PHLDB1: variants seen among roughly 807,000 people sequenced by gnomAD.
PHLDB1 encodes the protein pleckstrin homology-like domain family B member 1.
Under a neutral mutation model 139.3 loss-of-function variants are expected in PHLDB1, and 65 were observed. The ratio of observed to expected loss-of-function variants is 0.47; its 90% CI spans 0.38 to 0.57. The LOEUF (loss-of-function observed/expected upper bound fraction) is 0.57. Ranked by LOEUF, PHLDB1 falls within the 20% of genes least tolerant of loss-of-function variation. The pLI, the probability that PHLDB1 is intolerant of heterozygous loss-of-function variation, is 0.00. For missense variants in PHLDB1, 1,624 were observed against 1,839.7 expected, an observed-to-expected ratio of 0.88 and a Z score of 2.14; for synonymous variants, 679 against 734.5, an observed-to-expected ratio of 0.92 and a Z score of 1.22.
rs1181291972 is a variant in PHLDB1 at position 118,608,965 on chromosome 11, A to G, written c.-22+1266A>G. Among the ~76,000 whole-genome samples the G allele has an allele frequency of 6.8e-6, 1 of 146,602 alleles. No homozygotes were observed. The highest frequency in any genetic ancestry group is 1.5e-5 in the Non-Finnish European group (1 of 66,556). On this transcript the variant is annotated intron_variant, in intron 1 of 22. Transcript: ENST00000600882. This position sits in a 1 kb window ranked among gnomAD's most constrained non-coding sequence, Gnocchi z 6.7. ...CAGCTCACACACGTACCCGTCACAC[A>G]TGAGGCCCCAGCTCACACACGAAGC...
chr11:118,648,038 GAGA>G lies in PHLDB1; in HGVS notation c.3619_3621del (p.Lys1207del), dbSNP rs1453668727. ...GAGTGCCCGGAGGCAGCAGCTGGTC[GAGA>G]AGGAGGTCAAGATGCGGGAGAAACA... On this transcript the variant is annotated inframe_deletion, in exon 18 of 23. Transcript: ENST00000600882. The G allele has an allele frequency of 7.4e-6, 12 of 1,613,364 alleles. No individual in the cohort carries two copies. The highest frequency in any genetic ancestry group is 1.1e-5 in the South Asian group (1 of 90,940).
chr11:118,642,073 T>G, intron 12 of PHLDB1, 181 bp from the exon 13 acceptor site: 1 of 689,730 alleles, frequency 1.4e-6, no homozygotes, highest in East Asian at 2.7e-5. Flanking sequence ...CTTCCTCCCC[T>G]TCTTCCTTCA....
intron 9 of PHLDB1, chr11:118,633,027 CA>C (rs1210196524): frequency 6.0e-6 from 1 of 165,968 alleles, no homozygotes; most frequent in African/African-American, 2.4e-5. Context: ...CTCTGGCCCC[CA>C]AAACCACACT....
At chr11:118,637,910 T>C (rs1303545119) in intron 10 of PHLDB1, 8 of 152,222 alleles carry the variant, frequency 5.3e-5, no homozygotes, top group African/African-American at 1.9e-4. Context: ...GAAAAGACAA[T>C]GTGGATCTTA....
In PHLDB1 at chr11:118,636,974, A is replaced by T. The variant is rs1276774922; in HGVS notation, c.2535+1426A>T. The T allele has an allele frequency of 3.3e-5, 5 of 152,190 alleles. No homozygotes were observed. In the East Asian group the frequency reaches 9.7e-4, roughly 29 times the overall value. The allele number at this position is 152,190 out of a possible 1,614,324, so 9.4% of individuals were successfully genotyped here. On this transcript the variant is annotated intron_variant, in intron 10 of 22. Coordinates refer to ENST00000600882, the MANE Select transcript of PHLDB1 (RefSeq NM_001144758.3). ...GACCTGGGGTGTCACATTCTTCCCC[A>T]TGCTCCTCCTTAGGAACCTTATCCA...
chr11:118,632,796 G>C lies in PHLDB1; in HGVS notation c.2379+500G>C. ...CCAGGTGATCCTAGCTCCTGCCCCT[G>C]CCCCTTTCAGATTTCGTGCCAGCCT... On this transcript the variant is annotated intron_variant, in intron 9 of 22. Coordinates refer to ENST00000600882, the MANE Select transcript of PHLDB1 (RefSeq NM_001144758.3). This position sits in a 1 kb window ranked among gnomAD's most constrained non-coding sequence, Gnocchi z 5.9. The C allele has an allele frequency of 1.1e-6, 1 of 947,064 alleles. No individual in the cohort carries two copies. The highest frequency in any genetic ancestry group is 4.8e-5 in the South Asian group (1 of 20,788). 58.7% of individuals were successfully genotyped at this position (947,064 alleles called of 1,614,324 possible).
chr11:118,632,869 T>G lies in PHLDB1; in HGVS notation c.2379+573T>G. 3.1e-6 allele frequency: 3 copies of G among 982,022 alleles called. No individual in the cohort carries two copies. The highest frequency in any genetic ancestry group is 3.6e-6 in the Non-Finnish European group (3 of 826,822). 60.8% of individuals were successfully genotyped at this position (982,022 alleles called of 1,614,324 possible). A position where few individuals can be genotyped will look rare whatever the true frequency, so the allele number is the denominator to read the frequency against. ...CAACACCGTGCCAAAAGCTCTGAAG[T>G]GGAGAGGGGTCATCTATTTCTGGAT... is the stretch of plus-strand genomic sequence containing the variant. On this transcript the variant is annotated intron_variant, in intron 9 of 22. Transcript: ENST00000600882. This position sits in a 1 kb window ranked among gnomAD's most constrained non-coding sequence, Gnocchi z 5.9.
rs1234756432 is a variant in PHLDB1 at position 118,656,755 on chromosome 11, G to C, written c.4066G>C (p.Glu1356Gln). ...GTACTACATGGTGGCCCCATCTGCA[G>C]AGGCCATGCGTATCTGGATGGATGT... Reference protein sequence around the residue: ...RLYYMVAPSAEAMRIWMDVIV... With the variant: ...RLYYMVAPSAQAMRIWMDVIV... The change falls in exon 23 of 23, where the codon GAG becomes CAG. Residue 1356 changes from glutamate to glutamine, a missense_variant. Physicochemically the swap from Glu to Gln is conservative, Grantham distance 29. Transcript: ENST00000600882. 1.9e-6 allele frequency: 3 copies of C among 1,613,884 alleles called. No homozygotes were observed. Among genetic ancestry groups the C allele is most frequent in the Non-Finnish European group, 2.5e-6 (3 of 1,179,866 alleles).
At chr11:118,641,420 C>T (rs964755047) in intron 12 of PHLDB1, 17 of 202,256 alleles carry the variant, frequency 8.4e-5, no homozygotes, top group African/African-American at 4.8e-5. Flanking sequence ...CTTTCTTTAG[C>T]TCCTATGGCC....
chr11:118,650,254 C>T lies in PHLDB1; in HGVS notation c.3771+61C>T. On this transcript the variant is annotated intron_variant, in intron 19 of 22. Transcript: ENST00000600882. This position sits in a 1 kb window ranked among gnomAD's most constrained non-coding sequence, Gnocchi z 4.7. ...AGGGAGAATCCCGTGGTGAGAGGCA[C>T]CTCCTGGGTCGTTGGAATAGTGGCG... is the stretch of plus-strand genomic sequence containing the variant. 1.5e-6 allele frequency: 2 copies of T among 1,291,938 alleles called. No homozygotes were observed. The highest frequency in any genetic ancestry group is 2.3e-5 in the East Asian group (1 of 43,384). 80.0% of individuals were successfully genotyped at this position (1,291,938 alleles called of 1,614,324 possible). A position where few individuals can be genotyped will look rare whatever the true frequency, so the allele number is the denominator to read the frequency against.
Position 118,628,130 on chromosome 11 carries a change from G to A in PHLDB1, c.1307G>A (p.Arg436His), listed in dbSNP as rs781998077. 9.9e-6 allele frequency: 16 copies of A among 1,613,884 alleles called. No homozygotes were observed. The highest frequency in any genetic ancestry group is 4.5e-5 in the East Asian group (2 of 44,878). Residue 436 changes from arginine (R) to histidine (H), a missense_variant, in exon 6 of 23, where the codon CGT (arginine) becomes CAT (histidine). Physicochemically the swap from Arg to His is conservative, Grantham distance 29. Coordinates refer to ENST00000600882, the MANE Select transcript of PHLDB1 (RefSeq NM_001144758.3). ...ACATTTTCAGATGGGTTAGCCACCC[G>A]TACCCTGCAGCCTCCTGAGAGTCCC... is the stretch of plus-strand genomic sequence containing the variant. ...GRTFSDGLAT[R>H]TLQPPESPRL...
At position 118,614,656 on chromosome 11, in the gene PHLDB1, C is replaced by T; in HGVS notation, c.158C>T (p.Ala53Val). Residue 53 changes from alanine to valine, a missense_variant, in exon 3 of 23, where the codon GCC becomes GTC. By Grantham distance (64) the Ala-to-Val change is moderately conservative. Transcript: ENST00000600882. ...CTGGGCAGTGGGCGACTCAGCACAG[C>T]CATCACCCTCCTGCCGCTGGAGGAA... ...VSLGSGRLST[A>V]ITLLPLEEGR... The T allele has an allele frequency of 6.2e-7, 1 of 1,613,862 alleles. No individual in the cohort carries two copies. The highest frequency in any genetic ancestry group is 1.1e-5 in the South Asian group (1 of 91,064).
In PHLDB1 at chr11:118,650,839, T is replaced by C. The variant is rs543571611; in HGVS notation, c.3874+292T>C. ...GGCCACAGCGCTCTCATGGAGCTTATAATCAGGGAAGCAGACAAGAGTGAT... is the reference window on the plus strand; with the variant it reads ...GGCCACAGCGCTCTCATGGAGCTTACAATCAGGGAAGCAGACAAGAGTGAT... On this transcript the variant is annotated intron_variant, in intron 20 of 22. Transcript: ENST00000600882. This position sits in a 1 kb window ranked among gnomAD's most constrained non-coding sequence, Gnocchi z 4.7. 22 of 447,848 alleles carry C rather than the reference T, an allele frequency of 4.9e-5. No homozygotes were observed. In the East Asian group the frequency reaches 8.9e-4, roughly 18 times the overall value. The allele number at this position is 447,848 out of a possible 1,614,324, so 27.7% of individuals were successfully genotyped here.
intron 10 of PHLDB1, chr11:118,637,203 G>A (rs1324839547): frequency 6.6e-6 from 1 of 152,094 alleles, no homozygotes; most frequent in Non-Finnish European, 1.5e-5. Flanking sequence ...CTATAAAATG[G>A]GTATAAATGC....
intron 17 of PHLDB1, chr11:118,647,318 T>C (rs1274388679): frequency 6.6e-6 from 1 of 152,320 alleles, no homozygotes; most frequent in Non-Finnish European, 1.5e-5. Context: ...CCAACTGGAA[T>C]CAGTGATGGG....
chr11:118,644,231 C>A, intron 15 of PHLDB1, 57 bp downstream of exon 15: 1 of 1,176,980 alleles, frequency 8.5e-7, no homozygotes, highest in South Asian at 1.3e-5. Flanking sequence ...GGGTAGTTGC[C>A]ATGCCTCCTC....
chr11:118,642,921 G>A (rs1490346432), intron 13 of PHLDB1, among the ~76,000 whole-genome samples: 1 of 152,236 alleles, frequency 6.6e-6, no homozygotes, highest in African/African-American at 2.4e-5. Context: ...GAGGGCGTGG[G>A]CCTACCTGAA....
chr11:118,650,408 C>T lies in PHLDB1; in HGVS notation c.3772-37C>T. The T allele has an allele frequency of 7.2e-7, 1 of 1,382,744 alleles. No individual in the cohort carries two copies. Among genetic ancestry groups the T allele is most frequent in the Non-Finnish European group, 1.0e-6 (1 of 968,754 alleles). 85.7% of individuals were successfully genotyped at this position (1,382,744 alleles called of 1,614,324 possible). A position where few individuals can be genotyped will look rare whatever the true frequency, so the allele number is the denominator to read the frequency against. On this transcript the variant is annotated intron_variant, in intron 19 of 22. Coordinates refer to ENST00000600882, the MANE Select transcript of PHLDB1 (RefSeq NM_001144758.3). The surrounding 1 kb of genome is among the most constrained non-coding windows in gnomAD (Gnocchi z 4.7). ...GCACACACTTAAGGCTTAAGGGCTGCATATTTGGGTCCTTCCTTACTCCTG... is the reference window on the plus strand; with the variant it reads ...GCACACACTTAAGGCTTAAGGGCTGTATATTTGGGTCCTTCCTTACTCCTG...
chr11:118,628,646 G>C lies in PHLDB1; in HGVS notation c.1823G>C (p.Arg608Thr). The C allele has an allele frequency of 6.2e-7, 1 of 1,604,726 alleles. No individual in the cohort carries two copies. Among genetic ancestry groups the C allele is most frequent in the Non-Finnish European group, 8.5e-7 (1 of 1,176,982 alleles). ...CGGCTCCGGGAGCAGGAGATGGAGAGGCTGGTGAGCGGGTGCCAGGGAGGC... is the reference window on the plus strand; with the variant it reads ...CGGCTCCGGGAGCAGGAGATGGAGACGCTGGTGAGCGGGTGCCAGGGAGGC... ...QERLREQEME[R>T]LERQRLETIL... The change falls in exon 6 of 23, where the codon AGG (arginine) becomes ACG (threonine). Residue 608 changes from arginine (R) to threonine (T), a missense_variant. Transcript: ENST00000600882.
Sources: gnomAD v4.1 joint callset for allele counts (sites outside exome capture counted in the v4.1 genomes callset) on GRCh38, gnomAD v4.1.1 for gene constraint, Gnocchi (gnomAD v3.1) non-coding constraint, MANE v1.5 for transcripts, NCBI Gene and HGNC (gene_info 2026-07-23, HGNC 2026-07-21) for gene names.